CELF4: variants seen among roughly 807,000 people sequenced by gnomAD.
CELF4 encodes CUG-BP- and ETR-3-like factor 4.
CELF4 carries 18 observed loss-of-function variants against 59.9 expected under a neutral mutation model. The ratio of observed to expected loss-of-function variants is 0.30; its 90% CI spans 0.21 to 0.45. The LOEUF (loss-of-function observed/expected upper bound fraction) is 0.45. CELF4 is among the 20% of genes least tolerant of loss of function. CELF4 has a pLI of 1.00. For missense variants in CELF4, 456 were observed against 689.0 expected (o/e 0.66, Z 3.79); for synonymous variants, 261 against 267.1 (o/e 0.98, Z 0.22).
At chr18:37,277,398 C>A (rs1294922166) in intron 3 of CELF4, among the ~76,000 whole-genome samples, 1 of 152,252 alleles carries the variant, frequency 6.6e-6, no homozygotes, top group Non-Finnish European at 1.5e-5. Context: ...ACCCCCACCC[C>A]ATCTCCAGGG....
intron 2 of CELF4, among the ~76,000 whole-genome samples, chr18:37,371,337 A>G (rs1212167050): frequency 2.6e-5 from 4 of 152,234 alleles, no homozygotes; most frequent in Admixed American, 2.6e-4. Context: ...AGCAGTTCAC[A>G]GGTGGCCAAG....
At chr18:37,556,790 A>T (rs1292245672) in intron 1 of CELF4, among the ~76,000 whole-genome samples, 1 of 152,186 alleles carries the variant, frequency 6.6e-6, no homozygotes, top group Non-Finnish European at 1.5e-5. Context: ...CCAGACATGG[A>T]TTAATTAGGT....
At chr18:37,390,299 C>T (rs1187038124) in intron 2 of CELF4, among the ~76,000 whole-genome samples, 1 of 152,208 alleles carries the variant, frequency 6.6e-6, no homozygotes, top group Non-Finnish European at 1.5e-5. Flanking sequence ...CGACAGCTCC[C>T]AGAGCCCTGG....
chr18:37,354,295 T>G (rs2098523481), intron 2 of CELF4, among the ~76,000 whole-genome samples: 1 of 151,616 alleles, frequency 6.6e-6, no homozygotes, highest in Admixed American at 6.6e-5. Flanking sequence ...CCATGCAGAG[T>G]AAGGGAAAAC....
chr18:37,266,695 C>T (rs2077747707), intron 8 of CELF4, 97 bp from the exon 9 acceptor site: 2 of 1,081,418 alleles, frequency 1.8e-6, no homozygotes, highest in Non-Finnish European at 2.6e-6. Flanking sequence ...ACTGCCTTTT[C>T]TGGCTACTGC....
At chr18:37,444,207 C>A (rs184028646) in intron 2 of CELF4, among the ~76,000 whole-genome samples, 1 of 152,262 alleles carries the variant, frequency 6.6e-6, no homozygotes, top group Admixed American at 6.5e-5. Flanking sequence ...ATTCTCTTGA[C>A]CCCAGGGTGC....
chr18:37,368,030 C>T (rs1053438556), intron 2 of CELF4, among the ~76,000 whole-genome samples: 4 of 152,066 alleles, frequency 2.6e-5, no homozygotes, highest in African/African-American at 9.6e-5. Flanking sequence ...GGGAACCAGC[C>T]CTGGGTATAA....
intron 2 of CELF4, among the ~76,000 whole-genome samples, chr18:37,407,962 G>GA (rs1242722417): frequency 1.1e-4 from 16 of 151,554 alleles, no homozygotes; most frequent in Admixed American, 2.6e-4. Flanking sequence ...ATTGATTTTG[G>GA]GAAAAAAAAG....
At chr18:37,421,363 T>A (rs1451652786) in intron 2 of CELF4, among the ~76,000 whole-genome samples, 1 of 152,224 alleles carries the variant, frequency 6.6e-6, no homozygotes, top group Non-Finnish European at 1.5e-5. Flanking sequence ...CCACAGGGGC[T>A]GTGGGGCTGT....
intron 2 of CELF4, among the ~76,000 whole-genome samples, chr18:37,446,181 G>A (rs2099747703): frequency 1.3e-5 from 2 of 152,218 alleles, no homozygotes; most frequent in Non-Finnish European, 2.9e-5. Context: ...GATTGTGCAT[G>A]TGATGAGGAG....
chr18:37,390,315 A>G (rs1018737094), intron 2 of CELF4, among the ~76,000 whole-genome samples: 6 of 152,100 alleles, frequency 3.9e-5, no homozygotes, highest in African/African-American at 1.4e-4. Context: ...CCTGGGGATG[A>G]GAGAACTGGG....
At chr18:37,398,669 G>A (rs1022446601) in intron 2 of CELF4, among the ~76,000 whole-genome samples, 4 of 152,170 alleles carry the variant, frequency 2.6e-5, no homozygotes, top group South Asian at 2.1e-4. Flanking sequence ...CCAGGGACAC[G>A]TACCAGCCAC....
intron 1 of CELF4, among the ~76,000 whole-genome samples, chr18:37,534,049 C>G (rs148287073): frequency 2.0e-5 from 3 of 152,320 alleles, no homozygotes; most frequent in African/African-American, 4.8e-5. Context: ...CGCTGGGCCC[C>G]GATGGATTCC....
At chr18:37,300,663 G>A (rs141006080) in intron 3 of CELF4, among the ~76,000 whole-genome samples, 49 of 152,358 alleles carry the variant, frequency 3.2e-4, no homozygotes, top group African/African-American at 9.6e-4. Flanking sequence ...CTGTCTGCAC[G>A]GAGCTCATCT....
In CELF4 at chr18:37,265,169, C is replaced by T. The variant is rs145081292; in HGVS notation, c.1166-412G>A. 3.7e-3 allele frequency among the ~76,000 whole-genome samples: 523 copies of T among 141,540 alleles called. 2 individuals are homozygous for T. The highest frequency in any genetic ancestry group is 9.5e-3 in the African/African-American group (353 of 37,304). 92.9% of individuals were successfully genotyped at this position (141,540 alleles called of 152,430 possible). The stretch of plus-strand genomic sequence containing the variant: ...GTGTGTGGGTGTATGTGTGTGCGTG[C>T]GTGTACATTACATGTGTACATGCAC... On this transcript the variant is annotated intron_variant, in intron 9 of 12. Transcript: ENST00000420428.
intron 3 of CELF4, among the ~76,000 whole-genome samples, chr18:37,297,548 T>C (rs934076636): frequency 6.6e-6 from 1 of 152,188 alleles, no homozygotes; most frequent in African/African-American, 2.4e-5. Flanking sequence ...GGTCTATTTT[T>C]TGTTTAAGAT....
intron 1 of CELF4, among the ~76,000 whole-genome samples, chr18:37,524,241 G>A (rs2099960927): frequency 1.3e-5 from 2 of 152,230 alleles, no homozygotes; most frequent in African/African-American, 4.8e-5. Context: ...GGGAAGGCAG[G>A]GAAGCCAGTC....
intron 2 of CELF4, among the ~76,000 whole-genome samples, chr18:37,397,667 C>T (rs1282209361): frequency 1.3e-5 from 2 of 152,232 alleles, no homozygotes; most frequent in African/African-American, 4.8e-5. Flanking sequence ...GCAAACCATG[C>T]CTGACGGATG....
chr18:37,416,655 G>C (rs1040937576), intron 2 of CELF4, among the ~76,000 whole-genome samples: 2 of 152,156 alleles, frequency 1.3e-5, no homozygotes, highest in Admixed American at 1.3e-4. Context: ...CAGCCAGCCT[G>C]GGGGGCCTCT....
Sources: allele counts gnomAD v4.1 joint callset (sites outside exome capture counted in the v4.1 genomes callset), GRCh38; gene constraint gnomAD v4.1.1; transcripts MANE v1.5; gene names NCBI Gene and HGNC (gene_info 2026-07-23, HGNC 2026-07-21).